The following ESRRG variants were observed in gnomAD, a reference collection of about 807,000 sequenced individuals.
ESRRG encodes estrogen related receptor gamma.
Under a neutral mutation model 44.0 loss-of-function variants are expected in ESRRG, and 13 were observed. The ratio of observed to expected loss-of-function variants is 0.30; its 90% confidence interval spans 0.19 to 0.47. The LOEUF is 0.47. ESRRG is among the 20% of genes least tolerant of loss of function. The pLI, the probability that ESRRG is intolerant of heterozygous loss-of-function variation, is 1.00. For missense variants in ESRRG, 395 were observed against 580.6 expected, an observed-to-expected ratio of 0.68 and a Z score of 3.29; for synonymous variants, 215 against 214.6, an observed-to-expected ratio of 1.00 and a Z score of -0.02.
At chr1:216,562,250 C>T (rs908010283) in intron 5 of ESRRG, among the ~76,000 whole-genome samples, 3 of 152,096 alleles carry the variant, frequency 2.0e-5, no homozygotes, top group Admixed American at 6.6e-5. Flanking sequence ...CAGCTTTTCA[C>T]GCTGTTGTTA....
At chr1:217,003,761 TTG>T (rs1485586475) in intron 1 of ESRRG, among the ~76,000 whole-genome samples, 3 of 151,892 alleles carry the variant, frequency 2.0e-5, no homozygotes, top group Non-Finnish European at 4.4e-5. Flanking sequence ...CCCATAATAT[TTG>T]TGTGACTTCT....
At chr1:216,939,278 A>G (rs546412814) in intron 2 of ESRRG, among the ~76,000 whole-genome samples, 1 of 145,078 alleles carries the variant, frequency 6.9e-6, no homozygotes, top group East Asian at 2.2e-4. Context: ...TTTCCAAAGC[A>G]CCTACATGAT....
At chr1:216,581,963 C>G (rs535936197) in intron 3 of ESRRG, among the ~76,000 whole-genome samples, 29 of 152,194 alleles carry the variant, frequency 1.9e-4, no homozygotes, top group Non-Finnish European at 3.8e-4. Context: ...TTAGAAATTT[C>G]TTGATAGAAG....
rs529286071 is a variant in ESRRG at position 216,580,613 on chromosome 1, C to T, written c.590-12515G>A. 2.6e-5 allele frequency among the ~76,000 whole-genome samples: 4 copies of T among 152,322 alleles called. No individual in the cohort carries two copies. In the East Asian group the frequency reaches 5.8e-4, roughly 22 times the overall value. On this transcript the variant is annotated intron_variant, in intron 3 of 6. Transcript: ENST00000408911. ...TTTGACAAATGAGGGAAACCATTCC[C>T]TTCCTGAGACATTTTTATTGCTCTC...
intron 1 of ESRRG, among the ~76,000 whole-genome samples, chr1:216,972,680 T>G (rs1578883592): frequency 6.6e-6 from 1 of 152,212 alleles, no homozygotes; most frequent in Non-Finnish European, 1.5e-5. Context: ...CAAGTTTAAG[T>G]GTCTGCTCTG....
rs535038896 is a variant in ESRRG, at chr1:216,590,952, T to C, written c.590-22854A>G. Among the ~76,000 whole-genome samples, 6 of 152,334 alleles carry C rather than the reference T, an allele frequency of 3.9e-5. No individual in the cohort carries two copies. In the East Asian group the frequency reaches 1.2e-3, roughly 29 times the overall value. On this transcript the variant is annotated intron_variant, in intron 3 of 6. Transcript: ENST00000408911. The stretch of plus-strand genomic sequence containing the variant: ...CTGCGATAAGGTGATGTTCCATTTA[T>C]ACAAACAAACAACAACTGTGGTATC...
chr1:217,008,054 AAGT>A (rs1389732860), intron 1 of ESRRG, among the ~76,000 whole-genome samples: 1 of 152,190 alleles, frequency 6.6e-6, no homozygotes, highest in Non-Finnish European at 1.5e-5. Context: ...ATGTATCCTA[AAGT>A]AGAACTAGGC....
At chr1:216,527,353 C>T (rs1308460160) in intron 5 of ESRRG, among the ~76,000 whole-genome samples, 1 of 152,050 alleles carries the variant, frequency 6.6e-6, no homozygotes, top group African/African-American at 2.4e-5. Flanking sequence ...GTATTTCTTT[C>T]TTCCATCCTA....
intron 2 of ESRRG, among the ~76,000 whole-genome samples, chr1:216,888,013 T>C (rs1054755624): frequency 2.0e-5 from 3 of 152,156 alleles, no homozygotes; most frequent in African/African-American, 7.2e-5. Flanking sequence ...TTGACTTTTT[T>C]TTTTTTACCA....
At chr1:216,689,650 T>C (rs912823069) in intron 1 of ESRRG, among the ~76,000 whole-genome samples, 4 of 151,964 alleles carry the variant, frequency 2.6e-5, no homozygotes, top group African/African-American at 9.7e-5. Flanking sequence ...ATATGGGAGA[T>C]TATGAAAGAA....
chr1:216,749,716 A>G (rs1280084089), intron 2 of ESRRG, among the ~76,000 whole-genome samples: 1 of 152,184 alleles, frequency 6.6e-6, no homozygotes, highest in African/African-American at 2.4e-5. Flanking sequence ...ATTTTCCATG[A>G]TGATGACAGA....
At chr1:217,121,231 C>T (rs1371638137) in intron 1 of ESRRG, among the ~76,000 whole-genome samples, 1 of 152,006 alleles carries the variant, frequency 6.6e-6, no homozygotes, top group African/African-American at 2.4e-5. Flanking sequence ...ATAACCAAAG[C>T]TGTAGGTGTG....
intron 5 of ESRRG, among the ~76,000 whole-genome samples, chr1:216,556,238 A>G (rs1405574354): frequency 6.6e-6 from 1 of 151,820 alleles, no homozygotes; most frequent in Non-Finnish European, 1.5e-5. Flanking sequence ...AAAAAAAAAT[A>G]TATGACCTGG....
intron 2 of ESRRG, among the ~76,000 whole-genome samples, chr1:216,785,756 A>G (rs935639264): frequency 6.6e-6 from 1 of 152,094 alleles, no homozygotes. Context: ...AAGTGACAGA[A>G]GTGTAAACTA....
chr1:216,742,013 C>T (rs1335570909), intron 2 of ESRRG, among the ~76,000 whole-genome samples: 1 of 152,100 alleles, frequency 6.6e-6, no homozygotes, highest in Non-Finnish European at 1.5e-5. Flanking sequence ...CCCACATTTT[C>T]CACTGTTACA....
At chr1:217,033,892 G>A (rs117540029) in intron 1 of ESRRG, among the ~76,000 whole-genome samples, 1 of 152,332 alleles carries the variant, frequency 6.6e-6, no homozygotes, top group East Asian at 1.9e-4. Context: ...TACTTAAAGA[G>A]TTTAAATACG....
intron 2 of ESRRG, among the ~76,000 whole-genome samples, chr1:216,883,972 T>G (rs2096485241): frequency 6.6e-6 from 1 of 152,242 alleles, no homozygotes; most frequent in South Asian, 2.1e-4. Context: ...TAGTCATATT[T>G]TAAATCCCCA....
chr1:217,043,709 G>A (rs2084307362), intron 1 of ESRRG, among the ~76,000 whole-genome samples: 1 of 151,916 alleles, frequency 6.6e-6, no homozygotes, highest in Non-Finnish European at 1.5e-5. Flanking sequence ...AACAATTTGA[G>A]TCATATTACT....
At chr1:217,053,859 G>A (rs1193410597) in intron 1 of ESRRG, among the ~76,000 whole-genome samples, 1 of 152,062 alleles carries the variant, frequency 6.6e-6, no homozygotes, top group Non-Finnish European at 1.5e-5. Context: ...CTAGGAGTAA[G>A]GGCATTTGGA....
Sources: gnomAD v4.1 joint callset for allele counts (sites outside exome capture counted in the v4.1 genomes callset) on GRCh38, gnomAD v4.1.1 for gene constraint, MANE v1.5 for transcripts, NCBI Gene and HGNC (gene_info 2026-07-23, HGNC 2026-07-21) for gene names.